The following ELP4 variants were observed in gnomAD, a reference collection of about 807,000 sequenced individuals.
ELP4 encodes elongator acetyltransferase complex subunit 4.
A neutral mutation model predicts 48.9 loss-of-function variants in ELP4; 51 were observed. The observed-to-expected ratio is 1.04, with a 90% CI of 0.83 to 1.32. The LOEUF (loss-of-function observed/expected upper bound fraction) is 1.32. ELP4 is among the 40% of genes most tolerant of loss of function. The pLI is 0.00. For missense variants in ELP4, 519 were observed against 514.6 expected (o/e 1.01, Z -0.08); for synonymous variants, 210 against 189.2 (o/e 1.11, Z -0.90).
chr11:31,514,612 T>C (rs1956073536), intron 1 of ELP4, among the ~76,000 whole-genome samples: 1 of 152,230 alleles, frequency 6.6e-6, no homozygotes, highest in Admixed American at 6.5e-5. Context: ...TTGCTTACCC[T>C]ATTACTTATC....
At chr11:31,552,339 T>C (rs1301614850) in intron 3 of ELP4, among the ~76,000 whole-genome samples, 1 of 152,198 alleles carries the variant, frequency 6.6e-6, no homozygotes, top group Non-Finnish European at 1.5e-5. Context: ...GACTTTCAAA[T>C]TTATAATCTA....
chr11:31,703,437 A>G (rs1946568151), intron 9 of ELP4, among the ~76,000 whole-genome samples: 3 of 152,210 alleles, frequency 2.0e-5, no homozygotes, highest in African/African-American at 7.2e-5. Context: ...AGTGTTTTTC[A>G]AAGTATGAGT....
chr11:31,589,252 C>A (rs1019535869), intron 3 of ELP4, among the ~76,000 whole-genome samples: 5 of 152,122 alleles, frequency 3.3e-5, no homozygotes, highest in Non-Finnish European at 7.4e-5. Context: ...CATTTTATAA[C>A]AAGGTCAGAA....
intron 9 of ELP4, chr11:31,654,349 T>C (rs1424046330): frequency 1.3e-5 from 2 of 151,768 alleles, no homozygotes; most frequent in Non-Finnish European, 2.9e-5. Context: ...GTCAAAAAAA[T>C]AGTGTCAAAG....
chr11:31,535,289 A>G (rs970465518), intron 2 of ELP4, among the ~76,000 whole-genome samples: 2 of 152,148 alleles, frequency 1.3e-5, no homozygotes, highest in African/African-American at 2.4e-5. Context: ...TTAATAAATA[A>G]ATGTTATTGA....
At chr11:31,552,723 A>C (rs1393569748) in intron 3 of ELP4, among the ~76,000 whole-genome samples, 2 of 152,096 alleles carry the variant, frequency 1.3e-5, no homozygotes, top group Non-Finnish European at 2.9e-5. Flanking sequence ...ATATTCAGTG[A>C]GCCTCTTCAA....
chr11:31,570,679 G>A (rs773434812), intron 3 of ELP4, among the ~76,000 whole-genome samples: 1 of 151,630 alleles, frequency 6.6e-6, no homozygotes, highest in Non-Finnish European at 1.5e-5. Context: ...GCACCATGTT[G>A]GCCAGGCTGG....
chr11:31,657,649 T>C (rs1260056846), intron 9 of ELP4, among the ~76,000 whole-genome samples: 2 of 151,952 alleles, frequency 1.3e-5, no homozygotes, highest in East Asian at 3.9e-4. Context: ...TACATTATTA[T>C]ATTTAATTTT....
rs1233398888 is a variant in ELP4, at chr11:31,788,119, TTTGC to T, written c.*4599_*4602del. The T allele has an allele frequency of 1.8e-5, 4 of 224,342 alleles. No homozygotes were observed. The highest frequency in any genetic ancestry group is 2.7e-5 in the Non-Finnish European group (3 of 112,310). 13.9% of individuals were successfully genotyped at this position (224,342 alleles called of 1,614,324 possible). A position where few individuals can be genotyped will look rare whatever the true frequency, so the allele number is the denominator to read the frequency against. ...AACAAAGGCTTATTTTTTTCCATCC[TTTGC>T]TTGGGCTCAAGCACTCCTGCCCTGC... On this transcript the variant is annotated 3_prime_UTR_variant, in exon 10 of 10. Transcript: ENST00000640961.
intron 2 of ELP4, among the ~76,000 whole-genome samples, chr11:31,531,179 G>A (rs1462763165): frequency 6.6e-6 from 1 of 152,108 alleles, no homozygotes; most frequent in Non-Finnish European, 1.5e-5. Context: ...AAAAACAGAA[G>A]TGATAACTAT....
intron 6 of ELP4, among the ~76,000 whole-genome samples, chr11:31,629,870 A>ACAC (rs1944822349): frequency 6.6e-6 from 1 of 151,838 alleles, no homozygotes; most frequent in Non-Finnish European, 1.5e-5. Context: ...GAGATAGCAA[A>ACAC]ATGAACTTTA....
At chr11:31,740,346 A>G (rs1474319168) in intron 9 of ELP4, among the ~76,000 whole-genome samples, 3 of 152,268 alleles carry the variant, frequency 2.0e-5, no homozygotes, top group African/African-American at 7.2e-5. Flanking sequence ...GAAGGTGAGA[A>G]GTACACATTG....
At chr11:31,561,677 C>T (rs1444578671) in intron 3 of ELP4, among the ~76,000 whole-genome samples, 1 of 152,098 alleles carries the variant, frequency 6.6e-6, no homozygotes, top group Non-Finnish European at 1.5e-5. Context: ...CTCCTGACCT[C>T]AAGTGATCCT....
rs767890074 is a variant in ELP4 at position 31,509,946 on chromosome 11, G to A, written c.162G>A (p.Pro54=). 20 of 1,613,424 alleles carry A rather than the reference G, an allele frequency of 1.2e-5. No homozygotes were observed. Among genetic ancestry groups the A allele is most frequent in the Non-Finnish European group, 1.6e-5 (19 of 1,180,036 alleles). Residue 54 remains proline (P), a synonymous_variant, in exon 1 of 10, where the codon CCG becomes CCA. Transcript: ENST00000640961. Reference sequence around the variant, plus strand: ...TGGTGTCCATTGCGGGCACGCGACCGTCGGTGCGGAATGGACAGCTGCTGG... The same window carrying A: ...TGGTGTCCATTGCGGGCACGCGACCATCGGTGCGGAATGGACAGCTGCTGG... ...PRLVSIAGTR[P]SVRNGQLLVS...
At chr11:31,735,810 T>A (rs533023301) in intron 9 of ELP4, among the ~76,000 whole-genome samples, 1 of 152,244 alleles carries the variant, frequency 6.6e-6, no homozygotes, top group Admixed American at 6.5e-5. Flanking sequence ...AAACCACTGC[T>A]CAATGAAATA....
At chr11:31,518,113 T>C (rs1321837727) in intron 1 of ELP4, among the ~76,000 whole-genome samples, 1 of 151,456 alleles carries the variant, frequency 6.6e-6, no homozygotes, top group Non-Finnish European at 1.5e-5. Flanking sequence ...TTTTTTCTTT[T>C]TTTTTTTTTT....
intron 4 of ELP4, among the ~76,000 whole-genome samples, chr11:31,597,903 G>A (rs1473476506): frequency 2.0e-5 from 3 of 149,710 alleles, no homozygotes; most frequent in Non-Finnish European, 4.4e-5. Flanking sequence ...GCATTCTCAA[G>A]TGAAATGGTT....
chr11:31,705,012 A>T (rs1454901218), intron 9 of ELP4, among the ~76,000 whole-genome samples: 1 of 151,576 alleles, frequency 6.6e-6, no homozygotes, highest in Admixed American at 6.6e-5. Context: ...TCCATCTCAA[A>T]AAAAAAAAAA....
chr11:31,564,125 T>C (rs969475890), intron 3 of ELP4, among the ~76,000 whole-genome samples: 1 of 152,196 alleles, frequency 6.6e-6, no homozygotes, highest in African/African-American at 2.4e-5. Context: ...ATAGTTAATG[T>C]TGGCATACTT....
Sources: allele counts gnomAD v4.1 joint callset (sites outside exome capture counted in the v4.1 genomes callset), GRCh38; gene constraint gnomAD v4.1.1; transcripts MANE v1.5; gene names NCBI Gene and HGNC (gene_info 2026-07-23, HGNC 2026-07-21).